FIP1L1: variants seen among roughly 807,000 people sequenced by gnomAD.
FIP1L1 encodes factor interacting with PAPOLA and CPSF1.
A neutral mutation model predicts 84.6 loss-of-function variants in FIP1L1; 21 were observed. That is an observed-to-expected ratio of 0.25 (90% CI 0.18 to 0.36). The LOEUF (loss-of-function observed/expected upper bound fraction) is 0.36. Ranked by LOEUF, FIP1L1 falls within the 10% of genes least tolerant of loss-of-function variation. FIP1L1 has a pLI of 1.00. For missense variants in FIP1L1, 526 were observed against 751.1 expected (o/e 0.70, Z 3.50); for synonymous variants, 263 against 242.3 (o/e 1.09, Z -0.80).
chr4:53,415,535 T>G (rs937528303), intron 11 of FIP1L1, among the ~76,000 whole-genome samples: 2 of 151,508 alleles, frequency 1.3e-5, no homozygotes, highest in East Asian at 1.9e-4. Flanking sequence ...TTTTGTTTTT[T>G]TTTTTGCTTT....
chr4:53,447,923 G>A (rs1437844126), intron 15 of FIP1L1, among the ~76,000 whole-genome samples: 1 of 151,956 alleles, frequency 6.6e-6, no homozygotes, highest in East Asian at 1.9e-4. Context: ...TTTTCTACTG[G>A]TGGCATTGTG....
chr4:53,455,096 A>C (rs1174777870), intron 16 of FIP1L1, among the ~76,000 whole-genome samples: 1 of 152,208 alleles, frequency 6.6e-6, no homozygotes, highest in East Asian at 1.9e-4. Context: ...TGTCTTCATA[A>C]AATTGAAAAG....
intron 9 of FIP1L1, among the ~76,000 whole-genome samples, chr4:53,393,372 A>G (rs1745325400): frequency 6.6e-6 from 1 of 152,232 alleles, no homozygotes; most frequent in South Asian, 2.1e-4. Flanking sequence ...GAGACAGCCC[A>G]TCAGCCTCTT....
chr4:53,406,703 T>C (rs1178061922), intron 10 of FIP1L1, among the ~76,000 whole-genome samples: 1 of 152,226 alleles, frequency 6.6e-6, no homozygotes, highest in Non-Finnish European at 1.5e-5. Context: ...TATTGGTCTA[T>C]TCAGGGATTC....
chr4:53,379,848 A>C (rs1736843102), intron 3 of FIP1L1, among the ~76,000 whole-genome samples: 1 of 152,220 alleles, frequency 6.6e-6, no homozygotes. Context: ...CCATGTAAAG[A>C]AGTACATGGA....
chr4:53,425,560 T>C (rs1477005424), intron 11 of FIP1L1, among the ~76,000 whole-genome samples: 1 of 152,132 alleles, frequency 6.6e-6, no homozygotes, highest in Non-Finnish European at 1.5e-5. Context: ...TGCTGTCTTA[T>C]TTAATTTCAC....
chr4:53,393,452 ACC>A (rs1487172416), intron 9 of FIP1L1, among the ~76,000 whole-genome samples: 1 of 152,166 alleles, frequency 6.6e-6, no homozygotes, highest in Non-Finnish European at 1.5e-5. Flanking sequence ...GTACACATGA[ACC>A]CTTAGGTGCT....
At chr4:53,432,398 CAAAAAAAAAAAAAAA>C (rs35596754) in intron 13 of FIP1L1, among the ~76,000 whole-genome samples, 2 of 68,404 alleles carry the variant, frequency 2.9e-5, no homozygotes, top group Non-Finnish European at 5.1e-5. Flanking sequence ...AACTCCATCT[CAAAAAAAAAAAAAAA>C]AAAAAAAAAA....
intron 11 of FIP1L1, among the ~76,000 whole-genome samples, chr4:53,419,356 C>G (rs1346158033): frequency 1.3e-5 from 2 of 152,164 alleles, no homozygotes; most frequent in Non-Finnish European, 2.9e-5. Flanking sequence ...GTTGGTTATG[C>G]TAAGCCTGAA....
chr4:53,414,068 A>G (rs1009621809), intron 10 of FIP1L1, among the ~76,000 whole-genome samples: 2 of 152,174 alleles, frequency 1.3e-5, no homozygotes, highest in Non-Finnish European at 2.9e-5. Flanking sequence ...TTTATGAAGT[A>G]TGTCAACAGG....
intron 16 of FIP1L1, among the ~76,000 whole-genome samples, chr4:53,457,517 A>G (rs1342782013): frequency 6.6e-6 from 1 of 152,148 alleles, no homozygotes; most frequent in Non-Finnish European, 1.5e-5. Flanking sequence ...TTGGGCATTA[A>G]GCATAGCATT....
chr4:53,389,897 A>G (rs1381478946), intron 6 of FIP1L1, 24 bp downstream of exon 6: 1 of 1,553,670 alleles, frequency 6.4e-7, no homozygotes, highest in Middle Eastern at 1.7e-4. Context: ...TTTCTGTTGC[A>G]TCAATAGGGA....
At chr4:53,418,804 T>C (rs569212299) in intron 11 of FIP1L1, among the ~76,000 whole-genome samples, 11 of 152,242 alleles carry the variant, frequency 7.2e-5, no homozygotes, top group Non-Finnish European at 1.6e-4. Context: ...ATGCATGTAT[T>C]TCTTCTATTA....
At chr4:53,414,827 C>T in intron 11 of FIP1L1, 105 bp downstream of exon 11, 1 of 729,458 alleles carries the variant, frequency 1.4e-6, no homozygotes, top group Non-Finnish European at 2.3e-6. Flanking sequence ...TATTTTTACC[C>T]TCCAACTTAT....
intron 15 of FIP1L1, among the ~76,000 whole-genome samples, chr4:53,444,848 A>G (rs1359260160): frequency 2.0e-5 from 3 of 152,184 alleles, no homozygotes; most frequent in African/African-American, 7.2e-5. Context: ...CTGGGATTAC[A>G]GGTGTGAGCC....
In FIP1L1 at chr4:53,460,742, CAT is replaced by C; in HGVS notation, c.*1296_*1297del. 1.1e-5 allele frequency: 7 copies of C among 647,630 alleles called. No homozygotes were observed. The Admixed American group carries it at 2.2e-4, about 21-fold the overall frequency. The allele number at this position is 647,630 out of a possible 1,614,324, so 40.1% of individuals were successfully genotyped here. A position where few individuals can be genotyped will look rare whatever the true frequency, so the allele number is the denominator to read the frequency against. On this transcript the variant is annotated 3_prime_UTR_variant, in exon 18 of 18. Coordinates refer to ENST00000337488, the MANE Select transcript of FIP1L1 (RefSeq NM_030917.4). ...CTAGTAGTTTTAATTTTTTTGGAAT[CAT>C]ATTTTCTGAGGTGTAACTGGCTTTC...
intron 8 of FIP1L1, 115 bp from the exon 9 acceptor site, chr4:53,391,315 T>C: frequency 3.5e-6 from 4 of 1,143,150 alleles, no homozygotes; most frequent in Non-Finnish European, 5.1e-6. Context: ...TATTTAATGA[T>C]TATCTGATGT....
intron 9 of FIP1L1, among the ~76,000 whole-genome samples, chr4:53,396,735 C>A (rs1326827451): frequency 6.6e-6 from 1 of 152,184 alleles, no homozygotes; most frequent in African/African-American, 2.4e-5. Flanking sequence ...TCTTTTACAA[C>A]CTCAAATGGA....
chr4:53,458,253 A>C (rs536632753), intron 16 of FIP1L1, among the ~76,000 whole-genome samples: 1 of 152,192 alleles, frequency 6.6e-6, no homozygotes, highest in African/African-American at 2.4e-5. Flanking sequence ...AATATTGATT[A>C]GAAATCTGAG....
Sources: gnomAD v4.1 joint callset for allele counts (sites outside exome capture counted in the v4.1 genomes callset) on GRCh38, gnomAD v4.1.1 for gene constraint, MANE v1.5 for transcripts, NCBI Gene and HGNC (gene_info 2026-07-23, HGNC 2026-07-21) for gene names.